Variants in CCDC82 observed in about 807,000 individuals in gnomAD.
CCDC82 encodes the protein coiled-coil domain containing 82, also known as coiled-coil domain-containing protein 82.
In CCDC82, 47 loss-of-function variants were observed where a neutral mutation model predicts 60.6. That is an observed-to-expected ratio of 0.77 (90% confidence interval 0.61 to 0.99). The LOEUF is 0.99. CCDC82 is among the 50% of genes least tolerant of loss of function. CCDC82 has a pLI of 0.00. For missense variants in CCDC82, 588 were observed against 633.0 expected (o/e 0.93, Z 0.76); for synonymous variants, 212 against 207.4 (o/e 1.02, Z -0.19).
intron 2 of CCDC82, chr11:96,386,885 G>A (rs1473886558): frequency 6.6e-6 from 1 of 152,174 alleles, no homozygotes; most frequent in African/African-American, 2.4e-5. Context: ...ATTAAAGTAT[G>A]GTTTTGTGTA....
At chr11:96,356,991 T>C (rs1268479598) in intron 9 of CCDC82, 2 of 985,438 alleles carry the variant, frequency 2.0e-6, no homozygotes, top group Middle Eastern at 5.2e-4. Context: ...GAAAGTGCCA[T>C]GGAGACGGCA....
At position 96,384,306 on chromosome 11, in the gene CCDC82, C is replaced by T. The variant is rs777330495; in HGVS notation, c.442G>A (p.Asp148Asn). ...NKQTGQIIED[D>N]QEKHLSQEDN... ...TCTTGACTTAAATGTTTTTCCTGAT[C>T]ATCCTCTATTATTTGTCCAGTTTGT... The change falls in exon 4 of 10, where the codon GAT becomes AAT. Residue 148 changes from aspartate (D) to asparagine (N), a missense_variant. Physicochemically the swap from Asp to Asn is conservative, Grantham distance 23 (BLOSUM62 1). Coordinates refer to ENST00000646818, the MANE Select transcript of CCDC82 (RefSeq NM_024725.4). 6.2e-7 allele frequency: 1 copy of T among 1,613,722 alleles called. No homozygotes were observed. The highest frequency in any genetic ancestry group is 8.5e-7 in the Non-Finnish European group (1 of 1,179,794).
chr11:96,388,443 T>C (rs1228182021), intron 1 of CCDC82: 1 of 152,202 alleles, frequency 6.6e-6, no homozygotes, highest in Non-Finnish European at 1.5e-5. Flanking sequence ...TGAATGAAGA[T>C]GATCAATACT....
In CCDC82 at chr11:96,367,720, T is replaced by C. The variant is rs190791248; in HGVS notation, c.1210-2570A>G. Among the ~76,000 whole-genome samples the C allele has an allele frequency of 2.0e-3, 300 of 152,314 alleles. 1 individual carries two copies. The highest frequency in any genetic ancestry group is 6.9e-3 in the African/African-American group (288 of 41,552). ...AATCATAAATGTCCTTGATGGCATC[T>C]AGAATGGTGAATACTTTCCAGAAGG... is the stretch of plus-strand genomic sequence containing the variant. On this transcript the variant is annotated intron_variant, in intron 7 of 9. Coordinates refer to ENST00000646818, the MANE Select transcript of CCDC82 (RefSeq NM_024725.4).
At chr11:96,372,621 G>A (rs1314008967) in intron 6 of CCDC82, among the ~76,000 whole-genome samples, 1 of 141,248 alleles carries the variant, frequency 7.1e-6, no homozygotes, top group African/African-American at 2.6e-5. Context: ...GAGAAATGGG[G>A]ATATATATAT....
intron 7 of CCDC82, among the ~76,000 whole-genome samples, chr11:96,368,478 A>C (rs1194109503): frequency 6.6e-6 from 1 of 152,130 alleles, no homozygotes; most frequent in Non-Finnish European, 1.5e-5. Context: ...ACTGGCTTCA[A>C]CTTAGGTCAC....
At chr11:96,371,304 C>T (rs989965460) in intron 6 of CCDC82, among the ~76,000 whole-genome samples, 167 bp from the exon 7 acceptor site, 4 of 152,058 alleles carry the variant, frequency 2.6e-5, no homozygotes, top group African/African-American at 7.2e-5. Context: ...CAGGGTAGGC[C>T]GGGCACGGTG....
At chr11:96,362,968 CTTT>C (rs1174356718) in intron 8 of CCDC82, among the ~76,000 whole-genome samples, 3 of 145,306 alleles carry the variant, frequency 2.1e-5, no homozygotes, top group Non-Finnish European at 3.0e-5. Context: ...TTTTTCTTTT[CTTT>C]TTTTTTTTTT....
chr11:96,382,778 T>C (rs1865947281), intron 5 of CCDC82: 1 of 151,908 alleles, frequency 6.6e-6, no homozygotes, highest in African/African-American at 2.4e-5. Context: ...AAAATTGTTT[T>C]CATACACTTC....
intron 5 of CCDC82, among the ~76,000 whole-genome samples, chr11:96,376,428 T>C (rs1462596063): frequency 1.4e-5 from 2 of 146,800 alleles, no homozygotes; most frequent in African/African-American, 5.2e-5. Context: ...AGCCGTGCTT[T>C]TCTTTTTTTT....
chr11:96,358,880 C>T (rs758889222), intron 9 of CCDC82, 113 bp downstream of exon 9: 6 of 1,055,466 alleles, frequency 5.7e-6, no homozygotes, highest in African/African-American at 1.6e-5. Context: ...ATACAAACGA[C>T]AGAAGAAAGA....
chr11:96,357,680 A>G (rs1345514103), intron 9 of CCDC82: 4 of 984,864 alleles, frequency 4.1e-6, no homozygotes, highest in Non-Finnish European at 4.8e-6. Flanking sequence ...AATTCTTTAT[A>G]ACTGTGCTAT....
intron 9 of CCDC82, 26 bp from the exon 10 acceptor site, chr11:96,353,740 T>C: frequency 6.4e-7 from 1 of 1,558,038 alleles, no homozygotes; most frequent in Non-Finnish European, 8.8e-7. Flanking sequence ...AAAAGCTAGT[T>C]ATTTTACTCA....
chr11:96,378,278 T>C (rs907891915), intron 5 of CCDC82, among the ~76,000 whole-genome samples: 3 of 151,986 alleles, frequency 2.0e-5, no homozygotes, highest in Non-Finnish European at 4.4e-5. Context: ...CCTCAAATTG[T>C]TATCTCCTTA....
chr11:96,358,855 G>A (rs1864478204), intron 9 of CCDC82, 138 bp downstream of exon 9: 3 of 878,004 alleles, frequency 3.4e-6, no homozygotes, highest in South Asian at 3.6e-5. Context: ...AAAGGAATGA[G>A]CGGAAGAAGA....
chr11:96,389,643 C>G (rs1485701013), intron 1 of CCDC82: 1 of 152,518 alleles, frequency 6.6e-6, no homozygotes, highest in Admixed American at 6.5e-5. Flanking sequence ...GCACCGCGCC[C>G]ACTGCAGCTC....
intron 8 of CCDC82, among the ~76,000 whole-genome samples, chr11:96,361,917 C>T (rs1864681854): frequency 6.6e-6 from 1 of 151,998 alleles, no homozygotes; most frequent in Non-Finnish European, 1.5e-5. Flanking sequence ...GTTCACAAAG[C>T]AAATAAAGAA....
intron 7 of CCDC82, among the ~76,000 whole-genome samples, chr11:96,367,220 A>G (rs144343615): frequency 6.8e-4 from 103 of 152,284 alleles, no homozygotes; most frequent in African/African-American, 2.3e-3. Flanking sequence ...GACAACAATA[A>G]AGTTTGTTGC....
chr11:96,387,575 G>A lies in CCDC82; in HGVS notation c.-100C>T, dbSNP rs1458136505. On this transcript the variant is annotated 5_prime_UTR_variant, in exon 2 of 10. Transcript: ENST00000646818. ...AGTGACAGAGCAGGGATTAGAAACC[G>A]GGTCTCTTGATTCCCCGTCCAGTGC... The A allele has an allele frequency of 1.3e-5, 2 of 152,140 alleles. No individual in the cohort carries two copies. Among genetic ancestry groups the A allele is most frequent in the Non-Finnish European group, 2.9e-5 (2 of 68,022 alleles). 9.4% of individuals were successfully genotyped at this position (152,140 alleles called of 1,614,324 possible). A position where few individuals can be genotyped will look rare whatever the true frequency, so the allele number is the denominator to read the frequency against.
Sources: gnomAD v4.1 joint callset for allele counts (sites outside exome capture counted in the v4.1 genomes callset) on GRCh38, gnomAD v4.1.1 for gene constraint, MANE v1.5 for transcripts, NCBI Gene and HGNC (gene_info 2026-07-23, HGNC 2026-07-21) for gene names.